Variants in RIN2 observed in about 807,000 individuals in gnomAD.
The protein encoded by RIN2 is Ras and Rab interactor 2.
In RIN2, 36 loss-of-function variants were observed where a neutral mutation model predicts 78.0. The observed-to-expected ratio is 0.46, with a 90% CI of 0.35 to 0.61. RIN2 has a LOEUF of 0.61. RIN2 is among the 20% of genes least tolerant of loss of function. RIN2 has a pLI of 0.00. For synonymous variants in RIN2, 466 were observed against 466.8 expected (o/e 1.00, Z 0.02); for missense variants, 1,087 against 1,159.7 (o/e 0.94, Z 0.91).
chr20:19,894,250 C>T (rs1242322551), intron 3 of RIN2, among the ~76,000 whole-genome samples: 1 of 152,124 alleles, frequency 6.6e-6, no homozygotes, highest in Non-Finnish European at 1.5e-5. Context: ...GCTGGGAAAG[C>T]TATTGGTAGT....
In RIN2 at chr20:19,835,010, G is replaced by T. The variant is rs552070130; in HGVS notation, c.-37+35263G>T. ...AAAGAGAGAAAGAGAGAGAGAGAAA[G>T]AAAAAGAGAGAGAGAAAAAAGAGAA... On this transcript the variant is annotated intron_variant, in intron 2 of 12. Transcript: ENST00000255006. Among the ~76,000 whole-genome samples, 141 of 145,210 alleles carry T rather than the reference G, an allele frequency of 9.7e-4. 1 individual carries two copies. The highest frequency in any genetic ancestry group is 3.5e-3 in the African/African-American group (137 of 39,292).
intron 7 of RIN2, among the ~76,000 whole-genome samples, chr20:19,967,575 G>T (rs1297708171): frequency 6.6e-6 from 1 of 152,166 alleles, no homozygotes. Context: ...TTGCCATAGT[G>T]GGAAGGCTCG....
intron 3 of RIN2, among the ~76,000 whole-genome samples, chr20:19,920,025 T>C (rs1048220868): frequency 1.3e-5 from 2 of 152,082 alleles, no homozygotes; most frequent in Non-Finnish European, 2.9e-5. Flanking sequence ...CCGGGCGCAG[T>C]GGCTCACGCC....
intron 3 of RIN2, among the ~76,000 whole-genome samples, chr20:19,892,657 G>A (rs548318372): frequency 2.7e-4 from 41 of 152,260 alleles, no homozygotes; most frequent in East Asian, 7.7e-4. Flanking sequence ...GATTACAGGC[G>A]TGAGCCACCG....
At chr20:19,970,716 G>C in intron 7 of RIN2, 122 bp from the exon 8 acceptor site, 1 of 757,664 alleles carries the variant, frequency 1.3e-6, no homozygotes, top group South Asian at 1.6e-5. Context: ...TGTCGATATG[G>C]TATGGTGTCT....
intron 2 of RIN2, among the ~76,000 whole-genome samples, chr20:19,842,254 G>T (rs1207851792): frequency 6.6e-6 from 1 of 151,702 alleles, no homozygotes; most frequent in African/African-American, 2.4e-5. Context: ...ACAGAGTCTT[G>T]TTCTGTTGCC....
chr20:19,979,819 G>A lies in RIN2; in HGVS notation c.1762+4032G>A, dbSNP rs540053551. 2.2e-4 allele frequency among the ~76,000 whole-genome samples: 33 copies of A among 151,966 alleles called. No homozygotes were observed. The South Asian group carries it at 5.6e-3, about 26-fold the overall frequency. On this transcript the variant is annotated intron_variant, in intron 9 of 12. Coordinates refer to ENST00000255006, the MANE Select transcript of RIN2 (RefSeq NM_018993.4). Reference sequence around the variant, plus strand: ...GCACTTAAGGAGGCCGAGGTGGGTGGATCACCTGAGGTCAGGAGTTTGAGA... The same window carrying A: ...GCACTTAAGGAGGCCGAGGTGGGTGAATCACCTGAGGTCAGGAGTTTGAGA...
intron 2 of RIN2, among the ~76,000 whole-genome samples, chr20:19,810,596 T>C (rs1040131025): frequency 6.6e-6 from 1 of 152,146 alleles, no homozygotes; most frequent in African/African-American, 2.4e-5. Flanking sequence ...TAAAGCACTT[T>C]TGATTGCTCT....
chr20:19,942,449 A>G (rs2040917517), intron 4 of RIN2, among the ~76,000 whole-genome samples: 1 of 152,218 alleles, frequency 6.6e-6, no homozygotes, highest in African/African-American at 2.4e-5. Flanking sequence ...TAAAAGAAAC[A>G]TTTAAGATTT....
chr20:19,851,508 A>T (rs969603774), intron 2 of RIN2, among the ~76,000 whole-genome samples: 3 of 152,146 alleles, frequency 2.0e-5, no homozygotes, highest in African/African-American at 7.2e-5. Context: ...AGATTGCTTG[A>T]GGCCAGAAGT....
chr20:19,987,864 T>C (rs926482897), intron 9 of RIN2, among the ~76,000 whole-genome samples: 1 of 152,168 alleles, frequency 6.6e-6, no homozygotes, highest in South Asian at 2.1e-4. Flanking sequence ...CCTTTGTATT[T>C]AAACAAAGAG....
intron 4 of RIN2, among the ~76,000 whole-genome samples, chr20:19,936,264 G>A (rs539306150): frequency 5.3e-5 from 8 of 152,288 alleles, no homozygotes; most frequent in Admixed American, 4.6e-4. Flanking sequence ...GCTCCTTGCA[G>A]CACACCCAGC....
chr20:19,798,293 G>A (rs2035125784), intron 1 of RIN2, among the ~76,000 whole-genome samples: 1 of 152,088 alleles, frequency 6.6e-6, no homozygotes, highest in Non-Finnish European at 1.5e-5. Context: ...TTGCATCCCA[G>A]CCCAAGAGCT....
At chr20:19,960,202 G>A (rs2041692479) in intron 5 of RIN2, among the ~76,000 whole-genome samples, 1 of 152,112 alleles carries the variant, frequency 6.6e-6, no homozygotes, top group Non-Finnish European at 1.5e-5. Context: ...AAAAAACAAA[G>A]CAACTTCTGC....
chr20:19,996,080 C>T (rs901567767), intron 11 of RIN2, among the ~76,000 whole-genome samples: 9 of 152,076 alleles, frequency 5.9e-5, no homozygotes, highest in African/African-American at 1.4e-4. Context: ...TTTGAGAGGC[C>T]GAGACAGGTG....
chr20:19,879,502 A>C, intron 2 of RIN2, among the ~76,000 whole-genome samples: 1 of 152,200 alleles, frequency 6.6e-6, no homozygotes, highest in East Asian at 1.9e-4. Context: ...TGGGCTTACA[A>C]GGAAGACATT....
At chr20:19,996,449 C>G (rs1047113058) in intron 11 of RIN2, among the ~76,000 whole-genome samples, 4 of 152,184 alleles carry the variant, frequency 2.6e-5, no homozygotes, top group Non-Finnish European at 5.9e-5. Context: ...CCCCCTTGGC[C>G]CCTCCCAGGC....
intron 4 of RIN2, among the ~76,000 whole-genome samples, chr20:19,950,706 C>T (rs982563471): frequency 2.0e-5 from 3 of 151,810 alleles, no homozygotes; most frequent in Non-Finnish European, 4.4e-5. Context: ...AGGAAATTCT[C>T]CATTTTATTT....
intron 2 of RIN2, chr20:19,823,904 A>G: frequency 6.3e-7 from 1 of 1,596,372 alleles, no homozygotes; most frequent in Non-Finnish European, 8.5e-7. Context: ...CACCTCAGGT[A>G]TACGACTTTG....
Sources: allele counts gnomAD v4.1 joint callset (sites outside exome capture counted in the v4.1 genomes callset), GRCh38; gene constraint gnomAD v4.1.1; transcripts MANE v1.5; gene names NCBI Gene and HGNC (gene_info 2026-07-23, HGNC 2026-07-21).